The following PRR14L variants were observed in gnomAD, a reference collection of about 807,000 sequenced individuals.
PRR14L encodes proline rich 14 like.
PRR14L carries 80 observed loss-of-function variants against 155.0 expected under a neutral mutation model. That is an observed-to-expected ratio of 0.52 (90% CI 0.43 to 0.62). The LOEUF is 0.62. Ranked by LOEUF, PRR14L falls within the 20% of genes least tolerant of loss-of-function variation. The probability of loss-of-function intolerance (pLI) is 0.00; values close to 1 mark genes in which losing one functional copy is unlikely to be tolerated. For missense variants in PRR14L, 2,469 were observed against 2,548.0 expected, an observed-to-expected ratio of 0.97 and a Z score of 0.67; for synonymous variants, 883 against 916.0, an observed-to-expected ratio of 0.96 and a Z score of 0.65.
chr22:31,745,195 G>A (rs1489167556), intron 1 of PRR14L, among the ~76,000 whole-genome samples: 1 of 152,132 alleles, frequency 6.6e-6, no homozygotes, highest in East Asian at 1.9e-4. Flanking sequence ...GGCTAACACA[G>A]TGAAACCCTG....
At chr22:31,720,831 A>G (rs767175336) in intron 3 of PRR14L, among the ~76,000 whole-genome samples, 2 of 152,200 alleles carry the variant, frequency 1.3e-5, no homozygotes, top group Non-Finnish European at 2.9e-5. Flanking sequence ...TCCTCAAAAT[A>G]TATTTCCTGA....
Position 31,713,868 on chromosome 22 carries a change from G to C in PRR14L, c.3971C>G (p.Pro1324Arg), listed in dbSNP as rs534609550. 2.6e-6 allele frequency: 4 copies of C among 1,552,170 alleles called. No homozygotes were observed. The highest frequency in any genetic ancestry group is 3.5e-6 in the Non-Finnish European group (4 of 1,147,116). ...TTTAATATCTGTTTTCACTGTCAAAGGCAAATGTCTGTCAGAGGAATTCTC... is the reference window on the plus strand; with the variant it reads ...TTTAATATCTGTTTTCACTGTCAAACGCAAATGTCTGTCAGAGGAATTCTC... ...PHENSSDRHLPLTVKTDIKVK... is the reference protein window; with the variant it reads ...PHENSSDRHLRLTVKTDIKVK... The change falls in exon 4 of 9, where the codon CCT becomes CGT. Residue 1324 changes from proline (P) to arginine (R), a missense_variant. Pro to Arg is a moderately radical substitution (Grantham distance 103). This residue lies in a region of PRR14L where 2,363 missense variants were observed against 2,371.6 expected (regional missense o/e 1.00). Transcript: ENST00000327423.
At chr22:31,749,195 T>A (rs528435548) in intron 1 of PRR14L, among the ~76,000 whole-genome samples, 3 of 152,014 alleles carry the variant, frequency 2.0e-5, no homozygotes, top group Admixed American at 2.0e-4. Context: ...TCAGACAAGT[T>A]AAACAAATAG....
chr22:31,691,088 C>T (rs951184324), intron 7 of PRR14L, among the ~76,000 whole-genome samples: 5 of 151,554 alleles, frequency 3.3e-5, no homozygotes, highest in Admixed American at 6.6e-5. Flanking sequence ...CTCAGCCTCC[C>T]GAGTAGCTGG....
intron 1 of PRR14L, among the ~76,000 whole-genome samples, chr22:31,743,076 G>A (rs1430854006): frequency 6.6e-6 from 1 of 152,160 alleles, no homozygotes; most frequent in Non-Finnish European, 1.5e-5. Flanking sequence ...GCCAAGGTGG[G>A]AGGATCATGA....
At chr22:31,736,377 ACT>A (rs2074781672) in intron 2 of PRR14L, among the ~76,000 whole-genome samples, 1 of 150,170 alleles carries the variant, frequency 6.7e-6, no homozygotes, top group Non-Finnish European at 1.5e-5. Context: ...TAAGAGCGAA[ACT>A]CTGTCTCAAA....
Position 31,703,545 on chromosome 22 carries a change from C to T in PRR14L, c.6000+5G>A, listed in dbSNP as rs375748478. 2 of 1,612,208 alleles carry T rather than the reference C, an allele frequency of 1.2e-6. No individual in the cohort carries two copies. ...CATCTGACCCAACCAGCACTTTACA[C>T]TTACCTCTTTCTGTTCTGGGGGGCT... On this transcript the variant is annotated splice_donor_5th_base_variant and intron_variant, in intron 6 of 8. Coordinates refer to ENST00000327423, the MANE Select transcript of PRR14L (RefSeq NM_173566.3).
intron 7 of PRR14L, among the ~76,000 whole-genome samples, chr22:31,688,466 A>G (rs2074493783): frequency 6.6e-6 from 1 of 151,270 alleles, no homozygotes; most frequent in Non-Finnish European, 1.5e-5. Flanking sequence ...GCACAGCCTC[A>G]TGTTCTCCTA....
chr22:31,688,917 C>A (rs1456012058), intron 7 of PRR14L, among the ~76,000 whole-genome samples: 1 of 151,678 alleles, frequency 6.6e-6, no homozygotes, highest in African/African-American at 2.4e-5. Flanking sequence ...CACACACACA[C>A]ACACACACAA....
chr22:31,745,204 T>A (rs1233492210), intron 1 of PRR14L, among the ~76,000 whole-genome samples: 1 of 151,998 alleles, frequency 6.6e-6, no homozygotes, highest in African/African-American at 2.4e-5. Context: ...AGTGAAACCC[T>A]GTCTCTACTA....
At chr22:31,729,962 T>A (rs1168622958) in intron 2 of PRR14L, among the ~76,000 whole-genome samples, 1 of 145,842 alleles carries the variant, frequency 6.9e-6, no homozygotes. Flanking sequence ...TCACCTGAGG[T>A]CAACTGTGAA....
intron 1 of PRR14L, among the ~76,000 whole-genome samples, chr22:31,748,030 C>T (rs1232906732): frequency 6.7e-6 from 1 of 148,462 alleles, no homozygotes; most frequent in African/African-American, 2.6e-5. Context: ...TCAATAATCC[C>T]GAATCTGAAA....
At chr22:31,737,238 T>C (rs1207307034) in intron 2 of PRR14L, among the ~76,000 whole-genome samples, 1 of 151,268 alleles carries the variant, frequency 6.6e-6, no homozygotes, top group African/African-American at 2.4e-5. Flanking sequence ...CCCAACATTT[T>C]GGGAGGCCAA....
intron 1 of PRR14L, among the ~76,000 whole-genome samples, chr22:31,745,702 C>A (rs995603853): frequency 6.6e-6 from 1 of 151,804 alleles, no homozygotes; most frequent in Non-Finnish European, 1.5e-5. Context: ...CAAAAATTAG[C>A]TGGGCGTGGT....
At chr22:31,707,505 C>T (rs1859000409) in intron 4 of PRR14L, among the ~76,000 whole-genome samples, 2 of 152,098 alleles carry the variant, frequency 1.3e-5, no homozygotes, top group African/African-American at 2.4e-5. Context: ...CTCAGCCTCC[C>T]GAGTAGCTGG....
At chr22:31,691,591 G>C (rs1411990986) in intron 7 of PRR14L, among the ~76,000 whole-genome samples, 1 of 152,136 alleles carries the variant, frequency 6.6e-6, no homozygotes, top group Non-Finnish European at 1.5e-5. Flanking sequence ...CTGCCACCCA[G>C]CACTGGTAAC....
In PRR14L at chr22:31,683,039, G is replaced by A. The variant is rs1401950420; in HGVS notation, c.*2488C>T. On this transcript the variant is annotated 3_prime_UTR_variant, in exon 9 of 9. Coordinates refer to ENST00000327423, the MANE Select transcript of PRR14L (RefSeq NM_173566.3). ...CCCCCTTCTCAACTTTGGAGCAGGG[G>A]AAGGGACCTAGCTAGAGGGTAGGTC... is the stretch of plus-strand genomic sequence containing the variant. The A allele has an allele frequency of 6.6e-6, 1 of 152,274 alleles. No homozygotes were observed. The highest frequency in any genetic ancestry group is 2.4e-5 in the African/African-American group (1 of 41,448). The allele number at this position is 152,274 out of a possible 1,614,324, so 9.4% of individuals were successfully genotyped here. A position where few individuals can be genotyped will look rare whatever the true frequency, so the allele number is the denominator to read the frequency against.
At chr22:31,690,543 G>A (rs2074505855) in intron 7 of PRR14L, among the ~76,000 whole-genome samples, 1 of 152,036 alleles carries the variant, frequency 6.6e-6, no homozygotes, top group Admixed American at 6.6e-5. Context: ...AAAGTGCAGT[G>A]GTACAATGAT....
chr22:31,721,679 C>T (rs113178049), intron 3 of PRR14L, among the ~76,000 whole-genome samples: 81 of 152,038 alleles, frequency 5.3e-4, no homozygotes, highest in African/African-American at 1.7e-3. Flanking sequence ...TTCAAAATAG[C>T]CAGAAGAGAA....
Sources: gnomAD v4.1 joint callset for allele counts (sites outside exome capture counted in the v4.1 genomes callset) on GRCh38, gnomAD v4.1.1 for gene constraint, gnomAD v4.1.1 regional missense constraint, MANE v1.5 for transcripts, NCBI Gene and HGNC (gene_info 2026-07-23, HGNC 2026-07-21) for gene names.